PCDH9: variants seen among roughly 807,000 people sequenced by gnomAD.
The protein encoded by PCDH9 is protocadherin 9.
A neutral mutation model predicts 70.6 loss-of-function variants in PCDH9; 24 were observed. That is an observed-to-expected ratio of 0.34 (90% CI 0.25 to 0.48). The LOEUF (loss-of-function observed/expected upper bound fraction) is 0.48. PCDH9 is among the 20% of genes least tolerant of loss of function. PCDH9 has a pLI of 0.99. For missense variants in PCDH9, 1,281 were observed against 1,503.6 expected (o/e 0.85, Z 2.45); for synonymous variants, 562 against 558.5 (o/e 1.01, Z -0.09).
At chr13:67,086,422 C>T (rs1160949140) in intron 2 of PCDH9, among the ~76,000 whole-genome samples, 1 of 152,136 alleles carries the variant, frequency 6.6e-6, no homozygotes, top group African/African-American at 2.4e-5. Flanking sequence ...AAACTTGGCA[C>T]TTCTTTTAAA....
intron 2 of PCDH9, among the ~76,000 whole-genome samples, chr13:67,030,788 A>G (rs945208389): frequency 6.6e-6 from 1 of 152,190 alleles, no homozygotes; most frequent in Non-Finnish European, 1.5e-5. Flanking sequence ...GTGTCACCCT[A>G]TAATTTAAAA....
At chr13:67,176,593 C>T (rs1435626695) in intron 2 of PCDH9, among the ~76,000 whole-genome samples, 1 of 151,952 alleles carries the variant, frequency 6.6e-6, no homozygotes, top group Non-Finnish European at 1.5e-5. Flanking sequence ...TAAAGTCCTA[C>T]AGAGCTTCAC....
chr13:66,417,333 G>A (rs9540744), intron 4 of PCDH9, among the ~76,000 whole-genome samples: 2 of 152,022 alleles, frequency 1.3e-5, no homozygotes, highest in Admixed American at 6.6e-5. Flanking sequence ...CAGCTTCATC[G>A]ATGTCCCTGC....
At chr13:66,971,103 T>C (rs1184322160) in intron 2 of PCDH9, among the ~76,000 whole-genome samples, 1 of 152,034 alleles carries the variant, frequency 6.6e-6, no homozygotes, top group Non-Finnish European at 1.5e-5. Context: ...ATTGTGAGTT[T>C]TTAGACTCTT....
chr13:66,362,154 T>TTTGATAAAATTGA (rs1566269843), intron 4 of PCDH9, among the ~76,000 whole-genome samples: 2 of 152,090 alleles, frequency 1.3e-5, no homozygotes, highest in East Asian at 1.9e-4. Context: ...TCTATTAGCT[T>TTTGATAAAATTGA]TTGATAAAAT....
chr13:67,071,371 G>A (rs372636789), intron 2 of PCDH9, among the ~76,000 whole-genome samples: 1 of 152,144 alleles, frequency 6.6e-6, no homozygotes, highest in Admixed American at 6.6e-5. Context: ...CTCTGAAATT[G>A]GCAAAATTTA....
intron 4 of PCDH9, among the ~76,000 whole-genome samples, chr13:66,501,216 T>C (rs1959175599): frequency 6.6e-6 from 1 of 152,100 alleles, no homozygotes; most frequent in South Asian, 2.1e-4. Flanking sequence ...ATTTTTGAAA[T>C]TGATACTTGT....
intron 4 of PCDH9, among the ~76,000 whole-genome samples, chr13:66,600,067 T>C (rs892527215): frequency 2.0e-5 from 3 of 151,866 alleles, no homozygotes; most frequent in Non-Finnish European, 2.9e-5. Context: ...ATATAAGCTG[T>C]CAGTAAATTT....
At chr13:66,324,022 T>C (rs969774817) in intron 4 of PCDH9, among the ~76,000 whole-genome samples, 1 of 151,968 alleles carries the variant, frequency 6.6e-6, no homozygotes, top group African/African-American at 2.4e-5. Flanking sequence ...ATGCTGTGAC[T>C]TCACTTTGTA....
intron 4 of PCDH9, among the ~76,000 whole-genome samples, chr13:66,379,101 G>A (rs184954982): frequency 2.3e-3 from 343 of 152,322 alleles, no homozygotes; most frequent in Non-Finnish European, 3.2e-3. Flanking sequence ...CTTAACACTA[G>A]CAGATGAAGA....
intron 2 of PCDH9, among the ~76,000 whole-genome samples, chr13:67,101,686 A>C (rs548210938): frequency 2.0e-5 from 3 of 152,340 alleles, no homozygotes; most frequent in African/African-American, 7.2e-5. Flanking sequence ...ACTATCACTC[A>C]ATGAGTATTT....
intron 2 of PCDH9, among the ~76,000 whole-genome samples, chr13:66,972,256 T>A (rs1023517267): frequency 2.1e-4 from 32 of 151,984 alleles, no homozygotes; most frequent in Admixed American, 1.3e-4. Context: ...CATAGCTACA[T>A]CATCTTCTGT....
chr13:67,004,632 A>T (rs548545048), intron 2 of PCDH9, among the ~76,000 whole-genome samples: 71 of 152,214 alleles, frequency 4.7e-4, no homozygotes, highest in Non-Finnish European at 8.2e-4. Context: ...TTCAAAATCA[A>T]TATGTTTTAA....
chr13:66,569,408 A>G (rs954039066), intron 4 of PCDH9, among the ~76,000 whole-genome samples: 22 of 152,076 alleles, frequency 1.4e-4, no homozygotes, highest in African/African-American at 5.1e-4. Flanking sequence ...AATTAACCAT[A>G]ATGAAAGTTC....
At chr13:66,630,262 G>A (rs1298487754) in intron 4 of PCDH9, among the ~76,000 whole-genome samples, 1 of 152,002 alleles carries the variant, frequency 6.6e-6, no homozygotes, top group Non-Finnish European at 1.5e-5. Flanking sequence ...TAAATGTACA[G>A]AAATTTCTTA....
At chr13:66,646,861 C>A (rs186078678) in intron 3 of PCDH9, among the ~76,000 whole-genome samples, 325 of 152,288 alleles carry the variant, frequency 2.1e-3, no homozygotes, top group Non-Finnish European at 3.9e-3. Flanking sequence ...CCAGCAGTGG[C>A]TTTGTGGTGT....
intron 3 of PCDH9, among the ~76,000 whole-genome samples, chr13:66,730,477 C>T (rs937559691): frequency 6.6e-6 from 1 of 152,062 alleles, no homozygotes; most frequent in Non-Finnish European, 1.5e-5. Flanking sequence ...GAAAATATCA[C>T]TTGCCTTTGT....
chr13:67,126,255 C>T (rs2086977658), intron 2 of PCDH9, among the ~76,000 whole-genome samples: 2 of 152,108 alleles, frequency 1.3e-5, no homozygotes, highest in Admixed American at 6.6e-5. Context: ...TCATAAATTT[C>T]AGTATTCTCA....
rs1445086927 is a variant in PCDH9, at chr13:67,227,172, G to A, written c.1269C>T (p.Thr423=). 3 of 1,612,804 alleles carry A rather than the reference G, an allele frequency of 1.9e-6. No individual in the cohort carries two copies. Among genetic ancestry groups the A allele is most frequent in the Admixed American group, 1.7e-5 (1 of 60,014 alleles). ...AVYDNQYLLE[T]SSLLDYEGTK... is the part of the protein sequence containing the mutation. The stretch of plus-strand genomic sequence containing the variant: ...TGCCCTCATAGTCCAACAAAGAAGA[G>A]GTCTCTAACAAATATTGGTTGTCAT... Residue 423 remains threonine (T), a synonymous_variant, in exon 2 of 5, where the codon ACC becomes ACT. Coordinates refer to ENST00000377865, the MANE Select transcript of PCDH9 (RefSeq NM_203487.3). This position sits in a 1 kb window ranked among gnomAD's most constrained non-coding sequence, Gnocchi z 4.6.
Sources: gnomAD v4.1 joint callset for allele counts (sites outside exome capture counted in the v4.1 genomes callset) on GRCh38, gnomAD v4.1.1 for gene constraint, Gnocchi (gnomAD v3.1) non-coding constraint, MANE v1.5 for transcripts, NCBI Gene and HGNC (gene_info 2026-07-23, HGNC 2026-07-21) for gene names.